JAK1: variants seen among roughly 807,000 people sequenced by gnomAD.
JAK1 encodes tyrosine-protein kinase JAK1.
A neutral mutation model predicts 136.6 loss-of-function variants in JAK1; 16 were observed. The observed-to-expected ratio is 0.12, with a 90% CI of 0.08 to 0.18. JAK1 has a LOEUF of 0.18. JAK1 is among the 10% of genes least tolerant of loss of function. JAK1 has a pLI of 1.00. For missense variants in JAK1, 859 were observed against 1,450.1 expected (o/e 0.59, Z 6.62); for synonymous variants, 492 against 519.5 (o/e 0.95, Z 0.72).
intron 1 of JAK1, among the ~76,000 whole-genome samples, chr1:64,911,991 C>A: frequency 6.6e-6 from 1 of 152,176 alleles, no homozygotes; most frequent in East Asian, 1.9e-4. Flanking sequence ...TGTTTTCTGA[C>A]CCCTATGTCA....
intron 1 of JAK1, among the ~76,000 whole-genome samples, chr1:64,894,862 A>C (rs1644991838): frequency 1.3e-5 from 2 of 152,084 alleles, no homozygotes; most frequent in South Asian, 2.1e-4. Context: ...TCAACCAAAA[A>C]ACTGTAACCA....
chr1:64,954,764 T>C (rs1419110316), intron 1 of JAK1, among the ~76,000 whole-genome samples: 2 of 152,222 alleles, frequency 1.3e-5, no homozygotes, highest in South Asian at 2.1e-4. Context: ...AGTAATCCGA[T>C]GAGGAGACTG....
intron 1 of JAK1, among the ~76,000 whole-genome samples, chr1:64,936,509 G>A (rs1241376889): frequency 1.3e-5 from 2 of 152,130 alleles, no homozygotes; most frequent in Admixed American, 6.6e-5. Context: ...CTCCCATGAA[G>A]ACAAAGAGAG....
chr1:64,864,962 A>C lies in JAK1; in HGVS notation c.1001T>G (p.Val334Gly). The C allele has an allele frequency of 6.2e-7, 1 of 1,611,486 alleles. No individual in the cohort carries two copies. The highest frequency in any genetic ancestry group is 8.5e-7 in the Non-Finnish European group (1 of 1,178,474). Residue 334 changes from valine (V) to glycine (G), a missense_variant, in exon 8 of 25, where the codon GTT (valine) becomes GGT (glycine). This residue lies in a region of JAK1 where 353 missense variants were observed against 494.0 expected (regional missense o/e 0.71). Transcript: ENST00000342505. ...CTTCAGTTTATTTTTTTCCTTTTCA[A>C]CAGAAACAACCTGATAAGATACATA... ...QWRHKPNVVSVEKEKNKLKRK... is the reference protein window; with the variant it reads ...QWRHKPNVVSGEKEKNKLKRK...
chr1:65,015,645 G>T (rs987644517), intron 2 of JAK1, among the ~76,000 whole-genome samples: 1 of 152,008 alleles, frequency 6.6e-6, no homozygotes, highest in Non-Finnish European at 1.5e-5. Context: ...AAAGCTTCTC[G>T]GACTGGAGAA....
chr1:64,971,755 C>T (rs1646454278), intron 2 of JAK1, among the ~76,000 whole-genome samples: 1 of 152,124 alleles, frequency 6.6e-6, no homozygotes, highest in African/African-American at 2.4e-5. Context: ...GACAGGGTTT[C>T]GCTATGTTGG....
intron 2 of JAK1, among the ~76,000 whole-genome samples, chr1:65,005,853 G>A (rs986061321): frequency 6.6e-6 from 1 of 152,152 alleles, no homozygotes; most frequent in Non-Finnish European, 1.5e-5. Context: ...AGCCAAGATG[G>A]TCTTGCAGAA....
At chr1:65,036,513 G>A (rs971664929) in intron 2 of JAK1, among the ~76,000 whole-genome samples, 2 of 152,210 alleles carry the variant, frequency 1.3e-5, no homozygotes, top group African/African-American at 4.8e-5. Context: ...AGAGAAGGGT[G>A]AGGGGGATTG....
intron 1 of JAK1, among the ~76,000 whole-genome samples, chr1:64,953,922 G>A (rs534610427): frequency 6.6e-6 from 1 of 152,238 alleles, no homozygotes; most frequent in South Asian, 2.1e-4. Flanking sequence ...TGATCTGCCT[G>A]CCTTGGCCTC....
At chr1:64,964,676 G>T (rs1209125601) in intron 1 of JAK1, among the ~76,000 whole-genome samples, 1 of 152,106 alleles carries the variant, frequency 6.6e-6, no homozygotes, top group Non-Finnish European at 1.5e-5. Context: ...ACATAGTTTT[G>T]TATCTATTTG....
At position 64,922,998 on chromosome 1, in the gene JAK1, A is replaced by T. The variant is rs368364892; in HGVS notation, c.-77-36657T>A. Among the ~76,000 whole-genome samples, 30 of 152,352 alleles carry T rather than the reference A, an allele frequency of 2.0e-4. 5 individuals are homozygous for T. The highest frequency in any genetic ancestry group is 3.3e-4 in the Admixed American group (5 of 15,308). On this transcript the variant is annotated intron_variant, in intron 1 of 24. Coordinates refer to ENST00000342505, the MANE Select transcript of JAK1 (RefSeq NM_002227.4). Reference sequence around the variant, plus strand: ...TAGGTACTAAATAAAAAAGATACTTATTAGCTACTATAAAGTAAATTTGGA... The same window carrying T: ...TAGGTACTAAATAAAAAAGATACTTTTTAGCTACTATAAAGTAAATTTGGA...
At chr1:64,948,519 T>C (rs74080221) in intron 1 of JAK1, among the ~76,000 whole-genome samples, 1 of 152,350 alleles carries the variant, frequency 6.6e-6, no homozygotes, top group African/African-American at 2.4e-5. Context: ...ACTAGCCTTG[T>C]TGATTTCGCA....
At chr1:65,064,701 ATTGT>A (rs1450322821) in intron 1 of JAK1, among the ~76,000 whole-genome samples, 1 of 152,172 alleles carries the variant, frequency 6.6e-6, no homozygotes, top group Non-Finnish European at 1.5e-5. Flanking sequence ...TATCACAATT[ATTGT>A]TTATGAGCCT....
At chr1:64,999,861 G>A (rs1233364195) in intron 2 of JAK1, among the ~76,000 whole-genome samples, 5 of 151,900 alleles carry the variant, frequency 3.3e-5, no homozygotes, top group Admixed American at 2.0e-4. Context: ...ATTTTTTTCA[G>A]GTCTGTGCTA....
In JAK1 at chr1:64,930,526, T is replaced by C. The variant is rs147897519; in HGVS notation, c.-78+35807A>G. Among the ~76,000 whole-genome samples, 498 of 152,244 alleles carry C rather than the reference T, an allele frequency of 3.3e-3. 1 individual carries two copies. Among genetic ancestry groups the C allele is most frequent in the South Asian group, 8.9e-3 (43 of 4,822 alleles). On this transcript the variant is annotated intron_variant, in intron 1 of 24. Coordinates refer to ENST00000342505, the MANE Select transcript of JAK1 (RefSeq NM_002227.4). ...CAGATGCTGGAAAGGATGTGAGAAA[T>C]AGGAACACTTTATGCTGTTGGTGGG...
chr1:64,942,618 C>T (rs1330325304), intron 1 of JAK1, among the ~76,000 whole-genome samples: 1 of 152,118 alleles, frequency 6.6e-6, no homozygotes, highest in Non-Finnish European at 1.5e-5. Flanking sequence ...TTCAAGTATT[C>T]AACATTAACT....
chr1:65,005,829 AAAGGGCC>A (rs1165479745), intron 2 of JAK1, among the ~76,000 whole-genome samples: 2 of 152,242 alleles, frequency 1.3e-5, no homozygotes, highest in Admixed American at 6.5e-5. Context: ...ATGGAAGTGC[AAAGGGCC>A]AAAATTAGCC....
intron 2 of JAK1, among the ~76,000 whole-genome samples, chr1:65,018,021 C>T (rs907432908): frequency 1.3e-4 from 20 of 151,976 alleles, no homozygotes; most frequent in African/African-American, 4.6e-4. Flanking sequence ...TGTTGGCCGG[C>T]GCTGGTCTCG....
intron 1 of JAK1, among the ~76,000 whole-genome samples, chr1:64,914,872 G>A (rs1326056434): frequency 1.3e-5 from 2 of 152,074 alleles, no homozygotes; most frequent in African/African-American, 4.8e-5. Context: ...CCAAACACAT[G>A]GTATTTAAAA....
Sources: gnomAD v4.1 joint callset for allele counts (sites outside exome capture counted in the v4.1 genomes callset) on GRCh38, gnomAD v4.1.1 for gene constraint, gnomAD v4.1.1 regional missense constraint, MANE v1.5 for transcripts, NCBI Gene and HGNC (gene_info 2026-07-23, HGNC 2026-07-21) for gene names.